The following REV3L variants were observed in gnomAD, a reference collection of about 807,000 sequenced individuals.
REV3L encodes REV3 like, DNA directed polymerase zeta catalytic subunit.
REV3L carries 69 observed loss-of-function variants against 299.4 expected under a neutral mutation model. The observed-to-expected ratio is 0.23, with a 90% confidence interval of 0.19 to 0.28. The LOEUF (loss-of-function observed/expected upper bound fraction) is 0.28. REV3L is among the 10% of genes least tolerant of loss of function. The pLI is 1.00. For synonymous variants in REV3L, 1,238 were observed against 1,271.4 expected (o/e 0.97, Z 0.56); for missense variants, 3,128 against 3,693.8 (o/e 0.85, Z 3.97).
chr6:111,322,558 A>T lies in REV3L; in HGVS notation c.8351+11T>A. 6.2e-7 allele frequency: 1 copy of T among 1,605,422 alleles called. No individual in the cohort carries two copies. Among genetic ancestry groups the T allele is most frequent in the Non-Finnish European group, 8.5e-7 (1 of 1,172,340 alleles). The stretch of plus-strand genomic sequence containing the variant: ...ATGCAAAAGACAACTACAAAACCAA[A>T]AACCCATTACCTGTCAGTATCGCCA... On this transcript the variant is annotated intron_variant, in intron 26 of 31. Coordinates refer to ENST00000368802, the MANE Select transcript of REV3L (RefSeq NM_001372078.1).
intron 13 of REV3L, among the ~76,000 whole-genome samples, chr6:111,372,266 A>G (rs1205959818): frequency 6.6e-6 from 1 of 152,236 alleles, no homozygotes; most frequent in East Asian, 1.9e-4. Flanking sequence ...CATTTAAACA[A>G]TGATCATTGT....
chr6:111,472,371 T>G (rs900561423), intron 1 of REV3L, among the ~76,000 whole-genome samples: 1 of 152,016 alleles, frequency 6.6e-6, no homozygotes, highest in Admixed American at 6.6e-5. Context: ...GTAATCGTAA[T>G]AAATGGAAGA....
chr6:111,321,158 G>T (rs568873957), intron 26 of REV3L, among the ~76,000 whole-genome samples: 4 of 152,236 alleles, frequency 2.6e-5, no homozygotes, highest in South Asian at 2.1e-4. Flanking sequence ...AGGGAAATTT[G>T]TTCTTAATAA....
intron 6 of REV3L, among the ~76,000 whole-genome samples, chr6:111,389,872 G>A (rs1477435633): frequency 6.6e-6 from 1 of 151,388 alleles, no homozygotes; most frequent in Non-Finnish European, 1.5e-5. Context: ...AAGTAGCTGG[G>A]ACTACAGACG....
chr6:111,430,866 C>A, intron 1 of REV3L: 1 of 1,603,442 alleles, frequency 6.2e-7, no homozygotes, highest in Non-Finnish European at 8.5e-7. Flanking sequence ...CCAGACGGAA[C>A]AACAATGTTG....
intron 2 of REV3L, among the ~76,000 whole-genome samples, chr6:111,415,025 T>A (rs535141822): frequency 6.6e-6 from 1 of 152,202 alleles, no homozygotes; most frequent in African/African-American, 2.4e-5. Context: ...CTATTATTAA[T>A]ACAGTTGCTT....
chr6:111,421,111 G>C (rs1562284043), intron 1 of REV3L, among the ~76,000 whole-genome samples: 2 of 152,288 alleles, frequency 1.3e-5, no homozygotes, highest in South Asian at 2.1e-4. Context: ...CTGGGAGACA[G>C]AGCGAGACTC....
rs781252165 is a variant in REV3L at position 111,376,192 on chromosome 6, A to G, written c.2163T>C (p.Ser721=). Reference sequence around the variant, plus strand: ...TGCTGTTTCCTTTTTCATTTCCTTCAGAGGATACTTTATTTTTTGAATGAT... The same window carrying G: ...TGCTGTTTCCTTTTTCATTTCCTTCGGAGGATACTTTATTTTTTGAATGAT... ...DLNHSKNKVS[S]EGNEKGNSTA... is the part of the protein sequence containing the mutation. Residue 721 remains serine, a synonymous_variant, in exon 13 of 32, where the codon TCT becomes TCC. Transcript: ENST00000368802. 3 of 1,612,862 alleles carry G rather than the reference A, an allele frequency of 1.9e-6. No homozygotes were observed. Among genetic ancestry groups the G allele is most frequent in the South Asian group, 1.1e-5 (1 of 90,974 alleles).
At chr6:111,382,737 C>T (rs142491172) in intron 9 of REV3L, among the ~76,000 whole-genome samples, 3 of 152,292 alleles carry the variant, frequency 2.0e-5, no homozygotes, top group East Asian at 3.9e-4. Context: ...GGGGTACACG[C>T]GCCTGGTGAG....
chr6:111,366,745 T>C (rs1348668916), intron 14 of REV3L, among the ~76,000 whole-genome samples: 1 of 152,084 alleles, frequency 6.6e-6, no homozygotes, highest in African/African-American at 2.4e-5. Flanking sequence ...TTTAAGAAAT[T>C]TGGCTTTGAA....
chr6:111,460,747 C>T (rs1158949083), intron 1 of REV3L, among the ~76,000 whole-genome samples: 3 of 151,990 alleles, frequency 2.0e-5, no homozygotes, highest in Non-Finnish European at 4.4e-5. Context: ...TTCTTATTTG[C>T]AATTGTTCTA....
chr6:111,444,922 T>A (rs922179124), intron 1 of REV3L, among the ~76,000 whole-genome samples: 3 of 152,380 alleles, frequency 2.0e-5, no homozygotes, highest in Non-Finnish European at 4.4e-5. Context: ...TTCATCCTAC[T>A]TCTTTCCCAG....
In REV3L at chr6:111,325,739, G is replaced by C. The variant is rs563312290; in HGVS notation, c.8242-3061C>G. On this transcript the variant is annotated intron_variant, in intron 25 of 31. Transcript: ENST00000368802. ...TGTAATGATCAAATCAGGGTAACTGGGATATCCATCACCTCAAGCATTTAT... is the reference window on the plus strand; with the variant it reads ...TGTAATGATCAAATCAGGGTAACTGCGATATCCATCACCTCAAGCATTTAT... Among the ~76,000 whole-genome samples the C allele has an allele frequency of 3.9e-5, 6 of 152,136 alleles. No individual in the cohort carries two copies. The East Asian group carries it at 1.2e-3, about 29-fold the overall frequency.
chr6:111,428,649 G>A (rs1786476587), intron 1 of REV3L, among the ~76,000 whole-genome samples: 1 of 151,964 alleles, frequency 6.6e-6, no homozygotes, highest in South Asian at 2.1e-4. Context: ...TGAGCTCAAA[G>A]ACAGGCTATT....
At chr6:111,415,690 T>A (rs1382113267) in intron 2 of REV3L, among the ~76,000 whole-genome samples, 1 of 152,118 alleles carries the variant, frequency 6.6e-6, no homozygotes, top group African/African-American at 2.4e-5. Flanking sequence ...TTCCATGCTG[T>A]TCCTACTCCC....
At chr6:111,355,764 TTC>T (rs1376087941) in intron 18 of REV3L, among the ~76,000 whole-genome samples, 1 of 152,168 alleles carries the variant, frequency 6.6e-6, no homozygotes, top group Non-Finnish European at 1.5e-5. Context: ...ACATATTTCT[TTC>T]TCTGAGTTGC....
rs146308408 is a variant in REV3L, at chr6:111,376,053, C to G, written c.2302G>C (p.Gly768Arg). 146 of 1,613,766 alleles carry G rather than the reference C, an allele frequency of 9.0e-5. No homozygotes were observed. Among genetic ancestry groups the G allele is most frequent in the Non-Finnish European group, 1.1e-4 (129 of 1,179,916 alleles). Reference protein sequence around the residue: ...HSLNSTADESGLNKLKIRYEE... With the variant: ...HSLNSTADESRLNKLKIRYEE... The stretch of plus-strand genomic sequence containing the variant: ...TACCTAATTTTAAGTTTATTTAGTC[C>G]ACTTTCATCAGCAGTGCTATTAAGA... The change falls in exon 13 of 32, where the codon GGA (glycine) becomes CGA (arginine). Residue 768 changes from glycine (G) to arginine (R), a missense_variant. Physicochemically the swap from Gly to Arg is moderately radical, Grantham distance 125. Around this residue, in one of 9 missense-constraint regions of REV3L, gnomAD observed 2,409 missense variants for 2,611.8 expected, o/e 0.92. Transcript: ENST00000368802.
chr6:111,461,252 T>C (rs560295289), intron 1 of REV3L, among the ~76,000 whole-genome samples: 2 of 152,204 alleles, frequency 1.3e-5, no homozygotes, highest in East Asian at 3.9e-4. Flanking sequence ...GTGATATTTA[T>C]AGCTTGACTC....
At position 111,374,204 on chromosome 6, in the gene REV3L, T is replaced by A; in HGVS notation, c.4151A>T (p.Asp1384Val). Residue 1384 changes from aspartate to valine, a missense_variant, in exon 13 of 32, where the codon GAT becomes GTT. Coordinates refer to ENST00000368802, the MANE Select transcript of REV3L (RefSeq NM_001372078.1). The part of the protein sequence containing the change: ...ISSGMSSKIE[D>V]NANNIQRNYL... ...GTTTCTTTGTATATTATTTGCATTA[T>A]CTTCTATCTTTGAGGACATACCAGA... 1.2e-6 allele frequency: 2 copies of A among 1,614,042 alleles called. No individual in the cohort carries two copies. The highest frequency in any genetic ancestry group is 1.1e-5 in the South Asian group (1 of 91,074).
Sources: allele counts gnomAD v4.1 joint callset (sites outside exome capture counted in the v4.1 genomes callset), GRCh38; gene constraint gnomAD v4.1.1; regional missense constraint gnomAD v4.1.1; transcripts MANE v1.5; gene names NCBI Gene and HGNC (gene_info 2026-07-23, HGNC 2026-07-21).